The following ZNF143 variants were observed in gnomAD, a reference collection of about 807,000 sequenced individuals.
The protein encoded by ZNF143 is zinc finger protein 143, also known as SPH-binding factor.
A neutral mutation model predicts 74.1 loss-of-function variants in ZNF143; 49 were observed. That is an observed-to-expected ratio of 0.66 (90% CI 0.53 to 0.84). The LOEUF is 0.84. Among genes scored for constraint, ZNF143 ranks in the 40% least tolerant of loss-of-function variants. The pLI is 0.00. For missense variants in ZNF143, 637 were observed against 793.4 expected, an observed-to-expected ratio of 0.80 and a Z score of 2.37; for synonymous variants, 304 against 282.8, an observed-to-expected ratio of 1.07 and a Z score of -0.75.
At chr11:9,483,617 T>G (rs1426802311) in intron 7 of ZNF143, among the ~76,000 whole-genome samples, 1 of 150,372 alleles carries the variant, frequency 6.7e-6, no homozygotes, top group Non-Finnish European at 1.5e-5. Flanking sequence ...ATTTATTTAT[T>G]TTTTGAGACT....
intron 6 of ZNF143, 147 bp downstream of exon 6, chr11:9,478,733 C>T (rs1847121398): frequency 2.5e-6 from 2 of 814,266 alleles, no homozygotes; most frequent in African/African-American, 1.7e-5. Context: ...CCTATAACTT[C>T]CCAGCACTTT....
At chr11:9,476,720 T>A (rs1266464205) in intron 5 of ZNF143, among the ~76,000 whole-genome samples, 1 of 150,624 alleles carries the variant, frequency 6.6e-6, no homozygotes, top group African/African-American at 2.4e-5. Flanking sequence ...GAAAGGCTGT[T>A]TTGTTGTGAA....
At chr11:9,508,470 A>G (rs1481121343) in intron 11 of ZNF143, 149 bp from the exon 12 acceptor site, 2 of 684,482 alleles carry the variant, frequency 2.9e-6, no homozygotes, top group Non-Finnish European at 4.9e-6. Flanking sequence ...TAGTTAGGGA[A>G]TCTTTTCTTG....
chr11:9,473,643 A>C (rs1856715413), intron 3 of ZNF143: 2 of 572,140 alleles, frequency 3.5e-6, no homozygotes, highest in Non-Finnish European at 5.8e-6. Flanking sequence ...ACTGATTCTA[A>C]GTGACTCTGA....
intron 7 of ZNF143, among the ~76,000 whole-genome samples, chr11:9,488,741 A>G (rs554533887): frequency 2.6e-5 from 4 of 152,310 alleles, no homozygotes; most frequent in Admixed American, 2.6e-4. Context: ...TCATTTTAGA[A>G]AGTAGGTATT....
chr11:9,523,279 G>A (rs1178135861), intron 14 of ZNF143, among the ~76,000 whole-genome samples: 3 of 152,220 alleles, frequency 2.0e-5, no homozygotes, highest in Admixed American at 6.5e-5. Context: ...GTCCTGGGAC[G>A]TAATCTTACC....
chr11:9,487,053 A>G (rs1361746649), intron 7 of ZNF143, among the ~76,000 whole-genome samples: 6 of 106,130 alleles, frequency 5.7e-5, no homozygotes, highest in Admixed American at 2.1e-4. Flanking sequence ...TGCTACCTCC[A>G]CCTCCCAGGT....
At chr11:9,515,653 CAAAA>C (rs57158902) in intron 13 of ZNF143, among the ~76,000 whole-genome samples, 1 of 86,028 alleles carries the variant, frequency 1.2e-5, no homozygotes, top group Non-Finnish European at 2.4e-5. Context: ...GACTCTGTCT[CAAAA>C]AAAAAAAAAA....
chr11:9,491,755 G>A (rs1847788064), intron 7 of ZNF143, among the ~76,000 whole-genome samples: 1 of 152,080 alleles, frequency 6.6e-6, no homozygotes, highest in African/African-American at 2.4e-5. Flanking sequence ...TCAGTCCTCT[G>A]AGTAGCTGGA....
intron 12 of ZNF143, among the ~76,000 whole-genome samples, chr11:9,510,126 T>A (rs2134162990): frequency 6.6e-6 from 1 of 151,720 alleles, no homozygotes; most frequent in South Asian, 2.1e-4. Flanking sequence ...TATTCTTTTT[T>A]TTTTTTTTTT....
chr11:9,489,256 AC>A (rs2134007326), intron 7 of ZNF143, among the ~76,000 whole-genome samples: 1 of 152,268 alleles, frequency 6.6e-6, no homozygotes, highest in Non-Finnish European at 1.5e-5. Flanking sequence ...CACTGCCCTT[AC>A]TTATAATTCT....
At chr11:9,486,363 T>TATTA (rs1491555379) in intron 7 of ZNF143, among the ~76,000 whole-genome samples, 1 of 41,252 alleles carries the variant, frequency 2.4e-5, no homozygotes. Flanking sequence ...TATATATATA[T>TATTA]TATATATAAT....
chr11:9,523,222 G>C (rs78407210), intron 14 of ZNF143, among the ~76,000 whole-genome samples: 2 of 151,966 alleles, frequency 1.3e-5, no homozygotes, highest in Non-Finnish European at 2.9e-5. Context: ...ACTTTGTTAA[G>C]GCAGGTCTGT....
intron 7 of ZNF143, among the ~76,000 whole-genome samples, chr11:9,480,909 AAAAG>A (rs1847211613): frequency 6.6e-6 from 1 of 152,110 alleles, no homozygotes; most frequent in East Asian, 1.9e-4. Flanking sequence ...AGAAAAAAGA[AAAAG>A]AAATATTATG....
At chr11:9,461,141 C>G (rs1427520616) in intron 1 of ZNF143, 65 bp downstream of exon 1, 1 of 963,252 alleles carries the variant, frequency 1.0e-6, no homozygotes, top group Non-Finnish European at 1.2e-6. Context: ...GCCCTCAGCG[C>G]GGCGGCGCGG....
At chr11:9,479,416 A>G in intron 6 of ZNF143, 56 bp from the exon 7 acceptor site, 1 of 1,444,218 alleles carries the variant, frequency 6.9e-7, no homozygotes, top group Non-Finnish European at 9.5e-7. Context: ...GTACTTAACC[A>G]GCCTAAACCA....
At chr11:9,501,022 G>A in intron 10 of ZNF143, 69 bp from the exon 11 acceptor site, 1 of 1,565,390 alleles carries the variant, frequency 6.4e-7, no homozygotes, top group South Asian at 1.1e-5. Flanking sequence ...AGGCAGGATT[G>A]AAGGATAAGA....
At chr11:9,473,765 T>C in intron 3 of ZNF143, 176 bp from the exon 4 acceptor site, 1 of 1,529,916 alleles carries the variant, frequency 6.5e-7, no homozygotes, top group South Asian at 1.2e-5. Flanking sequence ...GAGGATTTTC[T>C]GCTTTCTGTA....
chr11:9,464,185 G>A (rs775442741), intron 1 of ZNF143, among the ~76,000 whole-genome samples: 14 of 152,068 alleles, frequency 9.2e-5, no homozygotes, highest in Middle Eastern at 3.4e-3. Flanking sequence ...AGACTGGAGT[G>A]CAGTGGCATG....
Sources: gnomAD v4.1 joint callset for allele counts (sites outside exome capture counted in the v4.1 genomes callset) on GRCh38, gnomAD v4.1.1 for gene constraint, MANE v1.5 for transcripts, NCBI Gene and HGNC (gene_info 2026-07-23, HGNC 2026-07-21) for gene names.